The following TFAP2A variants were observed in gnomAD, a reference collection of about 807,000 sequenced individuals.
TFAP2A encodes the protein transcription factor AP-2 alpha, also known as transcription factor AP-2-alpha.
TFAP2A carries 7 observed loss-of-function variants against 41.5 expected under a neutral mutation model. The observed-to-expected ratio is 0.17, with a 90% CI of 0.10 to 0.32. The LOEUF (loss-of-function observed/expected upper bound fraction) is 0.32. TFAP2A is among the 10% of genes least tolerant of loss of function. The pLI, the probability that TFAP2A is intolerant of heterozygous loss-of-function variation, is 1.00. For missense variants in TFAP2A, 416 were observed against 563.3 expected (o/e 0.74, Z 2.65); for synonymous variants, 247 against 242.8 (o/e 1.02, Z -0.16).
intron 3 of TFAP2A, 162 bp downstream of exon 3, chr6:10,406,631 G>T: frequency 1.5e-6 from 1 of 679,924 alleles, no homozygotes. Flanking sequence ...CCAACATACT[G>T]AAGGCTGATT....
chr6:10,410,613 C>T (rs1378769718), intron 1 of TFAP2A, among the ~76,000 whole-genome samples: 2 of 152,166 alleles, frequency 1.3e-5, no homozygotes, highest in Non-Finnish European at 2.9e-5. Flanking sequence ...GGAACACAGC[C>T]CATTAAACTG....
intron 1 of TFAP2A, chr6:10,411,536 A>G: frequency 6.2e-7 from 1 of 1,606,752 alleles, no homozygotes; most frequent in Non-Finnish European, 8.5e-7. Context: ...CCAATTCCTA[A>G]AGAAACAGCA....
At chr6:10,418,254 CA>C (rs768611464), upstream of TFAP2A, 3 of 152,264 alleles carry the variant, frequency 2.0e-5, no homozygotes, top group Non-Finnish European at 4.4e-5. Context: ...GTACAGAACG[CA>C]AAAGGCCTTT....
chr6:10,414,494 G>A (rs549820450), intron 1 of TFAP2A: 7 of 287,788 alleles, frequency 2.4e-5, no homozygotes, highest in Non-Finnish European at 4.7e-5. Flanking sequence ...TGAATGAATA[G>A]AAAGAAGAAG....
intron 1 of TFAP2A, chr6:10,414,502 A>G (rs1758158343): frequency 3.4e-6 from 1 of 298,234 alleles, no homozygotes; most frequent in Non-Finnish European, 6.5e-6. Context: ...TAGAAAGAAG[A>G]AGGAATATTA....
rs903425751 is a variant in TFAP2A at position 10,411,884 on chromosome 6, A to G, written c.52-1549T>C. On this transcript the variant is annotated intron_variant, in intron 1 of 6. Coordinates refer to ENST00000379613, the MANE Select transcript of TFAP2A (RefSeq NM_001372066.1). The stretch of plus-strand genomic sequence containing the variant: ...GTTCTTTAAAAATGAAAAACCCCAA[A>G]AAAGGAAAAAGGAAAAAGTATGTGT... 1.3e-5 allele frequency: 17 copies of G among 1,295,010 alleles called. No individual in the cohort carries two copies. The African/African-American group carries it at 2.4e-4, about 19-fold the overall frequency. 80.2% of individuals were successfully genotyped at this position (1,295,010 alleles called of 1,614,324 possible). A position where few individuals can be genotyped will look rare whatever the true frequency, so the allele number is the denominator to read the frequency against.
Position 10,398,624 on chromosome 6 carries a change from C to G in TFAP2A, c.1113G>C (p.Glu371Asp). The G allele has an allele frequency of 6.2e-7, 1 of 1,614,190 alleles. No homozygotes were observed. The highest frequency in any genetic ancestry group is 8.5e-7 in the Non-Finnish European group (1 of 1,180,026). Residue 371 changes from glutamate (E) to aspartate (D), a missense_variant, in exon 7 of 7, where the codon GAG (glutamate) becomes GAC (aspartate). By Grantham distance (45) the Glu-to-Asp change is conservative. Coordinates refer to ENST00000379613, the MANE Select transcript of TFAP2A (RefSeq NM_001372066.1). The surrounding 1 kb of genome is among the most constrained non-coding windows in gnomAD (Gnocchi z 5.3). ...LGNSRPNPILEPGIQSCLTHF... is the reference protein window; with the variant it reads ...LGNSRPNPILDPGIQSCLTHF... Reference sequence around the variant, plus strand: ...GGGTCAAGCAGCTCTGGATGCCGGGCTCCAGGATGGGGTTGGGCCGTGAGT... The same window carrying G: ...GGGTCAAGCAGCTCTGGATGCCGGGGTCCAGGATGGGGTTGGGCCGTGAGT...
At chr6:10,403,904 AATC>A (rs1581261362) in intron 4 of TFAP2A, among the ~76,000 whole-genome samples, 2 of 152,186 alleles carry the variant, frequency 1.3e-5, no homozygotes, top group Admixed American at 1.3e-4. Context: ...GTAAATTGGG[AATC>A]ATCATCATAT....
At chr6:10,417,512 G>T (rs1463166660), upstream of TFAP2A, among the ~76,000 whole-genome samples, 3 of 152,238 alleles carry the variant, frequency 2.0e-5, no homozygotes, top group African/African-American at 7.2e-5. Flanking sequence ...GCATGTCAAT[G>T]CTCCGGCGGG....
chr6:10,398,049 G>A lies in TFAP2A; in HGVS notation c.*368C>T. ...TAGAAAAAAGTTTTTAATTTTTGTT[G>A]TTGTTGTTGCTGTTGTTGATTTGTT... On this transcript the variant is annotated 3_prime_UTR_variant, in exon 7 of 7. Coordinates refer to ENST00000379613, the MANE Select transcript of TFAP2A (RefSeq NM_001372066.1). This position sits in a 1 kb window ranked among gnomAD's most constrained non-coding sequence, Gnocchi z 5.3. 9.1e-7 allele frequency: 1 copy of A among 1,092,972 alleles called. No homozygotes were observed. The highest frequency in any genetic ancestry group is 1.1e-6 in the Non-Finnish European group (1 of 899,006). The allele number at this position is 1,092,972 out of a possible 1,614,324, so 67.7% of individuals were successfully genotyped here.
intron 4 of TFAP2A, among the ~76,000 whole-genome samples, chr6:10,403,810 T>G (rs1413512407): frequency 6.6e-6 from 1 of 152,208 alleles, no homozygotes; most frequent in Non-Finnish European, 1.5e-5. Flanking sequence ...TGGCTATGTA[T>G]GTAACAGATG....
chr6:10,416,604 G>A (rs1758253772), upstream of TFAP2A, among the ~76,000 whole-genome samples: 1 of 152,132 alleles, frequency 6.6e-6, no homozygotes, highest in Non-Finnish European at 1.5e-5. Context: ...CTCTAGTAAG[G>A]ACCTTTGATT....
rs1177590362 is a variant in TFAP2A, at chr6:10,398,304, CAGCAGCAGT to C, written c.*104_*112del. 10 of 1,594,086 alleles carry C rather than the reference CAGCAGCAGT, an allele frequency of 6.3e-6. No individual in the cohort carries two copies. In the Admixed American group the frequency reaches 6.8e-5, roughly 11 times the overall value. On this transcript the variant is annotated 3_prime_UTR_variant, in exon 7 of 7. Transcript: ENST00000379613. The surrounding 1 kb of genome is among the most constrained non-coding windows in gnomAD (Gnocchi z 5.3). ...GCGGCGGCGGCGGCGGCGGCAGCAG[CAGCAGCAGT>C]AGCAGCAGCAGGAAGGGTTGCTGAT...
upstream of TFAP2A, chr6:10,415,189 A>G: frequency 7.4e-6 from 11 of 1,479,444 alleles, no homozygotes; most frequent in Admixed American, 2.1e-5. Flanking sequence ...GAGGAGGAGG[A>G]GGGCGAGGAG....
At chr6:10,417,906 A>G (rs887009980), upstream of TFAP2A, among the ~76,000 whole-genome samples, 7 of 152,198 alleles carry the variant, frequency 4.6e-5, no homozygotes, top group South Asian at 6.2e-4. Flanking sequence ...CAGAAGGCCC[A>G]GTCCCAGGCC....
chr6:10,418,074 G>T (rs1209807170), upstream of TFAP2A: 1 of 152,290 alleles, frequency 6.6e-6, no homozygotes, highest in Non-Finnish European at 1.5e-5. Context: ...ACAGGGTCAG[G>T]AAGGGAAAGG....
rs751592886 is a variant in TFAP2A, at chr6:10,406,862, A to G, written c.487-18T>C. The G allele has an allele frequency of 1.9e-6, 3 of 1,598,848 alleles. No individual in the cohort carries two copies. Among genetic ancestry groups the G allele is most frequent in the Admixed American group, 1.7e-5 (1 of 60,026 alleles). ...TCTACATGCTGCAACAAAAGGATAC[A>G]CATGGATGTAAGTGTATCATCAAAA... On this transcript the variant is annotated intron_variant, in intron 2 of 6. Transcript: ENST00000379613.
At chr6:10,401,386 T>C (rs962936099) in intron 5 of TFAP2A, among the ~76,000 whole-genome samples, 1 of 152,262 alleles carries the variant, frequency 6.6e-6, no homozygotes, top group Non-Finnish European at 1.5e-5. Context: ...TGGACTGTTA[T>C]GATTTTTAAT....
At position 10,398,006 on chromosome 6, in the gene TFAP2A, T is replaced by G. The variant is rs1340848444; in HGVS notation, c.*411A>C. 2.8e-6 allele frequency: 3 copies of G among 1,069,266 alleles called. No individual in the cohort carries two copies. Among genetic ancestry groups the G allele is most frequent in the East Asian group, 7.9e-5 (1 of 12,734 alleles). 66.2% of individuals were successfully genotyped at this position (1,069,266 alleles called of 1,614,324 possible). ...TCCCATGAAGCGCATATAATTTTTT[T>G]TATTTTCACTTTTTTTTTAGAAAAA... On this transcript the variant is annotated 3_prime_UTR_variant, in exon 7 of 7. Coordinates refer to ENST00000379613, the MANE Select transcript of TFAP2A (RefSeq NM_001372066.1). This position sits in a 1 kb window ranked among gnomAD's most constrained non-coding sequence, Gnocchi z 5.3.
Sources: gnomAD v4.1 joint callset for allele counts (sites outside exome capture counted in the v4.1 genomes callset) on GRCh38, gnomAD v4.1.1 for gene constraint, Gnocchi (gnomAD v3.1) non-coding constraint, MANE v1.5 for transcripts, NCBI Gene and HGNC (gene_info 2026-07-23, HGNC 2026-07-21) for gene names.